Variants in KCNC2 observed in about 807,000 individuals in gnomAD.
The protein encoded by KCNC2 is voltage-gated potassium channel KCNC2.
In KCNC2, 21 loss-of-function variants were observed where a neutral mutation model predicts 44.5. The observed-to-expected ratio is 0.47, with a 90% CI of 0.33 to 0.68. The LOEUF is 0.68. Ranked by LOEUF, KCNC2 falls within the 30% of genes least tolerant of loss-of-function variation. The pLI, the probability that KCNC2 is intolerant of heterozygous loss-of-function variation, is 0.01. For missense variants in KCNC2, 589 were observed against 826.2 expected (o/e 0.71, Z 3.52); for synonymous variants, 391 against 339.1 (o/e 1.15, Z -1.68).
intron 2 of KCNC2, among the ~76,000 whole-genome samples, chr12:75,080,781 G>A (rs184944798): frequency 1.6e-4 from 25 of 151,868 alleles, no homozygotes; most frequent in Middle Eastern, 6.8e-3. Flanking sequence ...CTCCCCCTCC[G>A]CCCACCACAC....
chr12:75,199,455 A>T (rs2031055990), intron 2 of KCNC2, among the ~76,000 whole-genome samples: 1 of 151,806 alleles, frequency 6.6e-6, no homozygotes, highest in Non-Finnish European at 1.5e-5. Context: ...GCCCAACATT[A>T]CCCATAACAT....
chr12:75,202,111 G>C (rs906034325), intron 2 of KCNC2, among the ~76,000 whole-genome samples: 3 of 151,796 alleles, frequency 2.0e-5, no homozygotes, highest in African/African-American at 7.2e-5. Flanking sequence ...CAGTTGCTTT[G>C]AAAATGAGTT....
chr12:75,104,073 T>C (rs960242357), intron 2 of KCNC2, among the ~76,000 whole-genome samples: 4 of 150,666 alleles, frequency 2.7e-5, no homozygotes, highest in Non-Finnish European at 5.9e-5. Context: ...CATGACAATG[T>C]CAGGAGACAT....
In KCNC2 at chr12:75,042,087, A is replaced by T; in HGVS notation, c.*1018T>A. On this transcript the variant is annotated 3_prime_UTR_variant, in exon 5 of 5. Transcript: ENST00000549446. Reference sequence around the variant, plus strand: ...AAAGCCTTCTGTGAACACCAGTGACATTTGATGTTTGCACAAAAAATTAAT... The same window carrying T: ...AAAGCCTTCTGTGAACACCAGTGACTTTTGATGTTTGCACAAAAAATTAAT... 8.1e-7 allele frequency: 1 copy of T among 1,228,964 alleles called. No homozygotes were observed. 76.1% of individuals were successfully genotyped at this position (1,228,964 alleles called of 1,614,324 possible).
intron 2 of KCNC2, among the ~76,000 whole-genome samples, chr12:75,068,949 T>TG (rs899212147): frequency 6.6e-6 from 1 of 152,080 alleles, no homozygotes; most frequent in African/African-American, 2.4e-5. Flanking sequence ...TGTCATTGCT[T>TG]GGTTTTTGCT....
chr12:75,137,235 AC>A (rs1889297304), intron 2 of KCNC2, among the ~76,000 whole-genome samples: 1 of 152,100 alleles, frequency 6.6e-6, no homozygotes, highest in Non-Finnish European at 1.5e-5. Flanking sequence ...TCTTATAAAT[AC>A]CAACTCCTCA....
intron 2 of KCNC2, among the ~76,000 whole-genome samples, chr12:75,165,461 CTAATT>C (rs1891385367): frequency 6.6e-6 from 1 of 151,472 alleles, no homozygotes; most frequent in African/African-American, 2.4e-5. Context: ...TGAATGATAA[CTAATT>C]TATACAATAA....
chr12:75,041,200 TACA>T lies in KCNC2; in HGVS notation c.*1902_*1904del. ...AGTCAATAATCCATGATAAATTCTG[TACA>T]ACACTGTAGTCAATAACAGCAGCAC... On this transcript the variant is annotated 3_prime_UTR_variant, in exon 5 of 5. Transcript: ENST00000549446. 1 of 1,595,736 alleles carries T rather than the reference TACA, an allele frequency of 6.3e-7. No individual in the cohort carries two copies. Among genetic ancestry groups the T allele is most frequent in the South Asian group, 1.1e-5 (1 of 91,038 alleles).
At chr12:75,099,623 T>C (rs1386533514) in intron 2 of KCNC2, among the ~76,000 whole-genome samples, 1 of 152,214 alleles carries the variant, frequency 6.6e-6, no homozygotes, top group Non-Finnish European at 1.5e-5. Context: ...CTTATGGTTT[T>C]ATTACATAGC....
chr12:75,184,259 A>G (rs1427551237), intron 2 of KCNC2, among the ~76,000 whole-genome samples: 2 of 152,194 alleles, frequency 1.3e-5, no homozygotes, highest in African/African-American at 4.8e-5. Context: ...TAGAAACTCA[A>G]AGAACAAATT....
At chr12:75,134,559 C>T (rs529506158) in intron 2 of KCNC2, among the ~76,000 whole-genome samples, 1 of 151,304 alleles carries the variant, frequency 6.6e-6, no homozygotes, top group Admixed American at 6.6e-5. Flanking sequence ...TTTGATATAC[C>T]ACTATCCTAT....
At position 75,142,443 on chromosome 12, in the gene KCNC2, G is replaced by A. The variant is rs1889721163; in HGVS notation, c.687+64854C>T. ...GTTTTTGAAGCCCTCTTGAGTAAGT[G>A]GTGTCACTGATAACTATCATTGATT... On this transcript the variant is annotated intron_variant, in intron 2 of 4. Transcript: ENST00000549446. Among the ~76,000 whole-genome samples, 3 of 152,232 alleles carry A rather than the reference G, an allele frequency of 2.0e-5. No individual in the cohort carries two copies. The South Asian group carries it at 6.2e-4, about 32-fold the overall frequency.
chr12:75,082,903 G>C (rs1884638878), intron 2 of KCNC2, among the ~76,000 whole-genome samples: 1 of 151,534 alleles, frequency 6.6e-6, no homozygotes, highest in African/African-American at 2.4e-5. Context: ...GATAGAACTG[G>C]AGACAGATTG....
intron 2 of KCNC2, among the ~76,000 whole-genome samples, chr12:75,203,997 T>C (rs2137803732): frequency 6.6e-6 from 1 of 152,076 alleles, no homozygotes; most frequent in Admixed American, 6.5e-5. Context: ...AAATTGAAAA[T>C]ATACAGTGCA....
intron 2 of KCNC2, among the ~76,000 whole-genome samples, chr12:75,089,592 G>A (rs1885305904): frequency 2.6e-5 from 4 of 151,754 alleles, no homozygotes; most frequent in Admixed American, 2.6e-4. Flanking sequence ...GCAGTTAAAA[G>A]AACATGCAAC....
At position 75,042,934 on chromosome 12, in the gene KCNC2, G is replaced by C. The variant is rs1395225026; in HGVS notation, c.*171C>G. On this transcript the variant is annotated 3_prime_UTR_variant, in exon 5 of 5. Transcript: ENST00000549446. ...TAGACAATCTTTAAAGCCTGGGTAA[G>C]ATTCATTAGCTACCCAAGTGGCATT... 7.1e-7 allele frequency: 1 copy of C among 1,406,004 alleles called. No homozygotes were observed. 87.1% of individuals were successfully genotyped at this position (1,406,004 alleles called of 1,614,324 possible).
At chr12:75,044,890 T>C (rs1214708978) in intron 4 of KCNC2, 6 of 152,014 alleles carry the variant, frequency 3.9e-5, no homozygotes, top group Admixed American at 3.3e-4. Flanking sequence ...AGAAGTGGTA[T>C]ATATTTCATT....
chr12:75,052,982 G>T (rs1466893679), intron 2 of KCNC2, among the ~76,000 whole-genome samples: 2 of 151,988 alleles, frequency 1.3e-5, no homozygotes, highest in African/African-American at 4.8e-5. Flanking sequence ...TTTCCCAGAC[G>T]TTTTATGAGA....
rs192323287 is a variant in KCNC2, at chr12:75,201,973, C to T, written c.687+5324G>A. ...TTCCCACAATAAAAAGAATACATGG[C>T]TCAGAAGTTCAAAGAATACAATACT... On this transcript the variant is annotated intron_variant, in intron 2 of 4. Coordinates refer to ENST00000549446, the MANE Select transcript of KCNC2 (RefSeq NM_139137.4). Among the ~76,000 whole-genome samples the T allele has an allele frequency of 9.2e-4, 140 of 151,948 alleles. No individual in the cohort carries two copies. The Middle Eastern group carries it at 0.01, about 11-fold the overall frequency.
Sources: allele counts gnomAD v4.1 joint callset (sites outside exome capture counted in the v4.1 genomes callset), GRCh38; gene constraint gnomAD v4.1.1; transcripts MANE v1.5; gene names NCBI Gene and HGNC (gene_info 2026-07-23, HGNC 2026-07-21).